PRKAR1B: variants seen among roughly 807,000 people sequenced by gnomAD.
The protein encoded by PRKAR1B is protein kinase cAMP-dependent type I regulatory subunit beta, also known as cAMP-dependent protein kinase type I-beta regulatory subunit.
A neutral mutation model predicts 46.5 loss-of-function variants in PRKAR1B; 22 were observed. The observed-to-expected ratio is 0.47, with a 90% CI of 0.34 to 0.68. The LOEUF (loss-of-function observed/expected upper bound fraction) is 0.68. Among genes scored for constraint, PRKAR1B ranks in the 30% least tolerant of loss-of-function variants. The pLI is 0.01. For missense variants in PRKAR1B, 445 were observed against 535.6 expected (o/e 0.83, Z 1.67); for synonymous variants, 259 against 217.7 (o/e 1.19, Z -1.67).
chr7:691,539 C>T, intron 2 of PRKAR1B: 1 of 1,304,514 alleles, frequency 7.7e-7, no homozygotes, highest in South Asian at 1.2e-5. Flanking sequence ...CTGGGCATTA[C>T]CAGTGGATCC....
In PRKAR1B at chr7:690,298, A is replaced by G. The variant is rs187292584; in HGVS notation, c.178-9572T>C. The stretch of plus-strand genomic sequence containing the variant: ...GTGACAGAGTGAGACTCTGTCTCAA[A>G]AAAAAAAAGAGCTGAGAGAGGAAGG... On this transcript the variant is annotated intron_variant, in intron 2 of 10. Coordinates refer to ENST00000537384, the MANE Select transcript of PRKAR1B (RefSeq NM_001164760.2). 6.6e-3 allele frequency among the ~76,000 whole-genome samples: 995 copies of G among 151,512 alleles called. 4 individuals are homozygous for G. Among genetic ancestry groups the G allele is most frequent in the Non-Finnish European group, 0.011 (779 of 67,818 alleles).
intron 4 of PRKAR1B, among the ~76,000 whole-genome samples, chr7:612,489 TGATA>T (rs555586954): frequency 4.9e-4 from 71 of 145,860 alleles, no homozygotes; most frequent in Non-Finnish European, 8.0e-4. Context: ...TAAGGATGGA[TGATA>T]GATGGATGGA....
At chr7:685,390 A>ACG (rs1779036372) in intron 2 of PRKAR1B, among the ~76,000 whole-genome samples, 1 of 123,712 alleles carries the variant, frequency 8.1e-6, no homozygotes, top group African/African-American at 3.3e-5. Flanking sequence ...ACATACATAT[A>ACG]TATATATATA....
At chr7:700,598 AT>A (rs1780004135) in intron 2 of PRKAR1B, among the ~76,000 whole-genome samples, 1 of 151,990 alleles carries the variant, frequency 6.6e-6, no homozygotes, top group Non-Finnish European at 1.5e-5. Context: ...AATTTTAACT[AT>A]TTTCCATGAA....
intron 4 of PRKAR1B, among the ~76,000 whole-genome samples, chr7:630,170 C>G (rs1226180232): frequency 2.0e-5 from 3 of 152,248 alleles, no homozygotes; most frequent in East Asian, 1.9e-4. Flanking sequence ...CAGGCACACC[C>G]CCACCTCCCC....
At chr7:620,497 CT>C (rs906691614) in intron 4 of PRKAR1B, among the ~76,000 whole-genome samples, 2 of 152,162 alleles carry the variant, frequency 1.3e-5, no homozygotes, top group Non-Finnish European at 2.9e-5. Flanking sequence ...CCCTTGGGCT[CT>C]TTTTTTTCTC....
chr7:715,375 C>T (rs1280621463), intron 1 of PRKAR1B, among the ~76,000 whole-genome samples: 1 of 152,114 alleles, frequency 6.6e-6, no homozygotes, highest in Non-Finnish European at 1.5e-5. Flanking sequence ...CTCAGAGGAG[C>T]TGCGCTTGGT....
At chr7:646,326 G>A (rs1331143540) in intron 4 of PRKAR1B, among the ~76,000 whole-genome samples, 1 of 152,234 alleles carries the variant, frequency 6.6e-6, no homozygotes, top group Non-Finnish European at 1.5e-5. Flanking sequence ...TTACAGGCGT[G>A]AGCCACCGCG....
chr7:673,265 C>T (rs904281061), intron 4 of PRKAR1B, among the ~76,000 whole-genome samples: 5 of 151,934 alleles, frequency 3.3e-5, no homozygotes, highest in African/African-American at 1.2e-4. Flanking sequence ...AATTTTCAAC[C>T]GGGTGAACGT....
At chr7:680,809 C>A in intron 2 of PRKAR1B, 83 bp from the exon 3 acceptor site, 17 of 1,508,864 alleles carry the variant, frequency 1.1e-5, no homozygotes, top group Non-Finnish European at 1.3e-5. Context: ...GTGATCCCAG[C>A]ACTGTGGGAG....
chr7:633,303 T>C (rs1783870101), intron 4 of PRKAR1B, among the ~76,000 whole-genome samples: 1 of 151,930 alleles, frequency 6.6e-6, no homozygotes, highest in African/African-American at 2.4e-5. Flanking sequence ...AAACCACACA[T>C]AGGCAAATCG....
At chr7:689,401 G>A (rs555087595) in intron 2 of PRKAR1B, among the ~76,000 whole-genome samples, 8 of 151,992 alleles carry the variant, frequency 5.3e-5, no homozygotes, top group Non-Finnish European at 7.4e-5. Flanking sequence ...GATTACAGGC[G>A]TGAGCCACTG....
intron 9 of PRKAR1B, among the ~76,000 whole-genome samples, chr7:561,090 G>T (rs1778759071): frequency 6.6e-6 from 1 of 151,528 alleles, no homozygotes; most frequent in South Asian, 2.1e-4. Context: ...ACACACACTG[G>T]TACGTGCATA....
chr7:640,962 CT>C (rs1163633218), intron 4 of PRKAR1B, among the ~76,000 whole-genome samples: 2 of 149,018 alleles, frequency 1.3e-5, no homozygotes, highest in African/African-American at 2.5e-5. Context: ...AGAGACAATT[CT>C]TTTTTTTTTG....
intron 4 of PRKAR1B, among the ~76,000 whole-genome samples, chr7:650,651 C>G (rs1052000306): frequency 4.6e-5 from 7 of 152,246 alleles, no homozygotes; most frequent in Admixed American, 4.6e-4. Context: ...GGTGGGGGCT[C>G]TGCCTGGGGA....
intron 4 of PRKAR1B, among the ~76,000 whole-genome samples, chr7:662,108 T>G (rs1466253232): frequency 1.1e-5 from 1 of 89,410 alleles, no homozygotes; most frequent in Non-Finnish European, 2.1e-5. Flanking sequence ...ATGGCACAGG[T>G]CCCCACCCCA....
intron 4 of PRKAR1B, among the ~76,000 whole-genome samples, chr7:661,234 C>T (rs537154260): frequency 3.4e-4 from 34 of 98,820 alleles, no homozygotes; most frequent in African/African-American, 1.4e-3. Flanking sequence ...CCCACCCCAA[C>T]GGGTCCAAAT....
chr7:617,651 A>C (rs959608012), intron 4 of PRKAR1B, among the ~76,000 whole-genome samples: 1 of 151,964 alleles, frequency 6.6e-6, no homozygotes, highest in African/African-American at 2.4e-5. Flanking sequence ...ACCGACTGTC[A>C]CCCTGGTCCA....
At chr7:632,537 C>T (rs1324378680) in intron 4 of PRKAR1B, among the ~76,000 whole-genome samples, 2 of 152,228 alleles carry the variant, frequency 1.3e-5, no homozygotes, top group African/African-American at 4.8e-5. Context: ...CTCCCAGGAG[C>T]CATTCTCTTC....
Sources: allele counts gnomAD v4.1 joint callset (sites outside exome capture counted in the v4.1 genomes callset), GRCh38; gene constraint gnomAD v4.1.1; transcripts MANE v1.5; gene names NCBI Gene and HGNC (gene_info 2026-07-23, HGNC 2026-07-21).